Variants in DPP6 observed in about 807,000 individuals in gnomAD.
DPP6 encodes the protein A-type potassium channel modulatory protein DPP6.
Under a neutral mutation model 122.6 loss-of-function variants are expected in DPP6, and 69 were observed. The ratio of observed to expected loss-of-function variants is 0.56; its 90% CI spans 0.46 to 0.69. DPP6 has a LOEUF of 0.69. Ranked by LOEUF, DPP6 falls within the 30% of genes least tolerant of loss-of-function variation. The pLI is 0.00. For missense variants in DPP6, 928 were observed against 1,116.9 expected, an observed-to-expected ratio of 0.83 and a Z score of 2.41; for synonymous variants, 418 against 433.1, an observed-to-expected ratio of 0.97 and a Z score of 0.43.
At chr7:154,810,001 C>T (rs997877050) in intron 16 of DPP6, among the ~76,000 whole-genome samples, 1 of 152,210 alleles carries the variant, frequency 6.6e-6, no homozygotes, top group Non-Finnish European at 1.5e-5. Flanking sequence ...TCCCAAGTAG[C>T]TGGGATTACA....
the DPP6 span, among the ~76,000 whole-genome samples, chr7:153,801,073 G>T: frequency 2.0e-5 from 3 of 150,764 alleles, no homozygotes; most frequent in African/African-American, 7.3e-5. Flanking sequence ...TGCAGCAAAT[G>T]CAGAAAGTCA....
intron 3 of DPP6, among the ~76,000 whole-genome samples, chr7:154,536,903 A>G (rs190695261): frequency 1.3e-5 from 2 of 152,296 alleles, no homozygotes; most frequent in East Asian, 1.9e-4. Context: ...TTAGATTCCT[A>G]CCTCACACCA....
intron 1 of DPP6, among the ~76,000 whole-genome samples, chr7:154,110,672 C>T (rs552289119): frequency 5.9e-5 from 9 of 151,954 alleles, no homozygotes; most frequent in Non-Finnish European, 1.2e-4. Flanking sequence ...CCAGCCCCAA[C>T]TGATGTGTAG....
chr7:154,176,734 G>A (rs1797820541), intron 1 of DPP6, among the ~76,000 whole-genome samples: 1 of 152,190 alleles, frequency 6.6e-6, no homozygotes, highest in Non-Finnish European at 1.5e-5. Flanking sequence ...GCCTTATGGC[G>A]ACCCTCGGAA....
chr7:154,090,011 A>C (rs1196712849), intron 1 of DPP6, among the ~76,000 whole-genome samples: 2 of 152,224 alleles, frequency 1.3e-5, no homozygotes, highest in African/African-American at 2.4e-5. Context: ...TAAATACTAT[A>C]AGAAAGACAA....
chr7:154,093,806 C>T (rs1293501232), intron 1 of DPP6: 2 of 152,142 alleles, frequency 1.3e-5, no homozygotes, highest in Admixed American at 1.3e-4. Flanking sequence ...TTGGCGGAAC[C>T]CTGGGATGAG....
At chr7:154,651,547 A>G (rs567753703) in intron 6 of DPP6, among the ~76,000 whole-genome samples, 14 of 152,140 alleles carry the variant, frequency 9.2e-5, no homozygotes, top group Non-Finnish European at 1.9e-4. Context: ...CTAGGGCCAA[A>G]TGAGTCAGAA....
intron 1 of DPP6, among the ~76,000 whole-genome samples, chr7:154,154,578 C>G (rs1015863499): frequency 5.3e-5 from 8 of 152,246 alleles, no homozygotes; most frequent in Non-Finnish European, 1.2e-4. Context: ...AGTATTACCA[C>G]ATTGTTATTG....
chr7:153,828,331 GTTGGCTGTT>G, the DPP6 span, among the ~76,000 whole-genome samples: 1 of 151,584 alleles, frequency 6.6e-6, no homozygotes, highest in Non-Finnish European at 1.5e-5. Context: ...TCTTGACTGT[GTTGGCTGTT>G]AATGGAATCT....
At chr7:153,928,395 CATTTT>C (rs1202546759) in intron 1 of DPP6, among the ~76,000 whole-genome samples, 40 of 30,002 alleles carry the variant, frequency 1.3e-3, no homozygotes, top group African/African-American at 4.7e-3. Flanking sequence ...TCTTTTCTTT[CATTTT>C]TTTTTTTTTT....
At chr7:154,262,655 C>CAA (rs200633251) in intron 1 of DPP6, among the ~76,000 whole-genome samples, 13 of 129,270 alleles carry the variant, frequency 1.0e-4, no homozygotes, top group African/African-American at 3.0e-4. Flanking sequence ...AAATGAAGTT[C>CAA]AAAAAAAAAA....
rs1803807167 is a variant in DPP6 at position 154,271,716 on chromosome 7, G to A, written c.244-174498G>A. 2.0e-5 allele frequency among the ~76,000 whole-genome samples: 3 copies of A among 152,084 alleles called. No individual in the cohort carries two copies. The South Asian group carries it at 6.2e-4, about 32-fold the overall frequency. ...TAAGGGGGTCACAGAGAAAGCCTGG[G>A]GGTCAAAGCTAGATACAAGGCATCA... On this transcript the variant is annotated intron_variant, in intron 1 of 25. Transcript: ENST00000377770.
At chr7:154,378,977 C>G (rs1303610031) in intron 1 of DPP6, among the ~76,000 whole-genome samples, 1 of 152,216 alleles carries the variant, frequency 6.6e-6, no homozygotes, top group African/African-American at 2.4e-5. Flanking sequence ...CACCAAGTCC[C>G]TCCCTCAACG....
intron 1 of DPP6, among the ~76,000 whole-genome samples, chr7:154,354,492 T>G (rs1348951926): frequency 6.6e-6 from 1 of 152,168 alleles, no homozygotes; most frequent in Non-Finnish European, 1.5e-5. Context: ...GCTACTCCTT[T>G]CCAGTATATC....
intron 1 of DPP6, among the ~76,000 whole-genome samples, chr7:153,940,718 G>A (rs1292945427): frequency 1.3e-5 from 2 of 152,138 alleles, no homozygotes; most frequent in Admixed American, 6.5e-5. Flanking sequence ...ATAGAGAAGA[G>A]AGCCCACCTG....
the DPP6 span, among the ~76,000 whole-genome samples, chr7:153,753,484 C>T: frequency 1.8e-4 from 27 of 151,326 alleles, no homozygotes; most frequent in African/African-American, 6.3e-4. Flanking sequence ...TTTTTGCCAA[C>T]AAGGAATCTA....
In DPP6 at chr7:154,041,507, A is replaced by G. The variant is rs200582058; in HGVS notation, c.51+153773A>G. On this transcript the variant is annotated intron_variant, in intron 1 of 25. Transcript: ENST00000404039. Reference sequence around the variant, plus strand: ...TGGCCTCTCTTAGCATGCTTATGCCATAGATGAGCGTCTGATGCTTAGCGA... The same window carrying G: ...TGGCCTCTCTTAGCATGCTTATGCCGTAGATGAGCGTCTGATGCTTAGCGA... 1.2e-3 allele frequency among the ~76,000 whole-genome samples: 181 copies of G among 152,352 alleles called. 4 individuals carry two copies. The South Asian group carries it at 0.025, about 21-fold the overall frequency.
At chr7:154,046,666 C>T (rs545840899) in intron 1 of DPP6, among the ~76,000 whole-genome samples, 4 of 152,150 alleles carry the variant, frequency 2.6e-5, no homozygotes, top group Non-Finnish European at 5.9e-5. Context: ...TTATGTTTCA[C>T]AGTCATTGTG....
At chr7:153,846,032 G>A in the DPP6 span, among the ~76,000 whole-genome samples, 1 of 152,230 alleles carries the variant, frequency 6.6e-6, no homozygotes, top group South Asian at 2.1e-4. Context: ...ATAAGTTAGT[G>A]TATGTTTAAC....
Sources: allele counts gnomAD v4.1 joint callset (sites outside exome capture counted in the v4.1 genomes callset), GRCh38; gene constraint gnomAD v4.1.1; transcripts MANE v1.5; gene names NCBI Gene and HGNC (gene_info 2026-07-23, HGNC 2026-07-21).